Variants in KCND1 observed in about 807,000 individuals in gnomAD.
The protein encoded by KCND1 is potassium voltage-gated channel subfamily D member 1.
Under a neutral mutation model 31.8 loss-of-function variants are expected in KCND1, and 11 were observed. That is an observed-to-expected ratio of 0.35 (90% CI 0.22 to 0.57). KCND1 has a LOEUF of 0.57. Ranked by LOEUF, KCND1 falls within the 20% of genes least tolerant of loss-of-function variation. The pLI, the probability that KCND1 is intolerant of heterozygous loss-of-function variation, is 0.85. For missense variants in KCND1, 471 were observed against 596.8 expected (o/e 0.79, Z 2.20); for synonymous variants, 234 against 248.1 (o/e 0.94, Z 0.53).
chrX:48,966,131 T>C lies in KCND1; in HGVS notation c.1642A>G (p.Thr548Ala), dbSNP rs1557057929. ...ATGCTGCCACGGCTGACTGAGGCAG[T>C]GGAGTTGGCAAGGCGGATGGCGCGG... Reference protein sequence around the residue: ...KRRAIRLANSTASVSRGSMQE... With the variant: ...KRRAIRLANSAASVSRGSMQE... The change falls in exon 5 of 6, where the codon ACT becomes GCT. Residue 548 changes from threonine (T) to alanine (A), a missense_variant. Physicochemically the swap from Thr to Ala is moderately conservative, Grantham distance 58 (BLOSUM62 0). Transcript: ENST00000218176. 2 of 1,209,235 alleles carry C rather than the reference T, an allele frequency of 1.7e-6. No individual in the cohort carries two copies. The highest frequency in any genetic ancestry group is 3.5e-5 in the African/African-American group (2 of 57,370).
Position 48,966,989 on chromosome X carries a change from G to A in KCND1, c.1239C>T (p.Arg413=). 1 of 1,210,667 alleles carries A rather than the reference G, an allele frequency of 8.3e-7. No homozygotes were observed. The highest frequency in any genetic ancestry group is 1.1e-6 in the Non-Finnish European group (1 of 895,165). ...PVPVIVSNFS[R]IYHQNQRADK... ...CAGCCCGCTGGTTCTGGTGGTAGAT[G>A]CGGCTAAAGTTGGACACAATGACTG... Residue 413 remains arginine, a synonymous_variant, in exon 2 of 6, where the codon CGC becomes CGT. Transcript: ENST00000218176.
chrX:48,967,498 C>G, intron 1 of KCND1: 1 of 170,712 alleles, frequency 5.9e-6, no homozygotes, highest in East Asian at 1.4e-4. Context: ...CTCTGTCTTA[C>G]CTGCTCTAGG....
At position 48,970,594 on chromosome X, in the gene KCND1, T is replaced by C. The variant is rs1272045075; in HGVS notation, c.-323A>G. On this transcript the variant is annotated 5_prime_UTR_variant, in exon 1 of 6. Coordinates refer to ENST00000218176, the MANE Select transcript of KCND1 (RefSeq NM_004979.6). ...GAGGGTTTAGAGAGACTGAGATGAT[T>C]CTAAAGGAGTCAGCCTGTGCCTGAG... The C allele has an allele frequency of 4.6e-6, 1 of 219,190 alleles. No individual in the cohort carries two copies. Among genetic ancestry groups the C allele is most frequent in the Non-Finnish European group, 8.1e-6 (1 of 123,201 alleles). 18.1% of individuals were successfully genotyped at this position (219,190 alleles called of 1,213,427 possible).
At chrX:48,963,758 T>C (rs2064336344) in intron 5 of KCND1, among the ~76,000 whole-genome samples, 1 of 112,006 alleles carries the variant, frequency 8.9e-6, no homozygotes. Context: ...GAACACAATG[T>C]GCATACATAT....
chrX:48,969,113 T>C, intron 1 of KCND1, 38 bp downstream of exon 1: 1 of 1,161,752 alleles, frequency 8.6e-7, no homozygotes, highest in African/African-American at 1.8e-5. Context: ...AAAGGGTGAG[T>C]GTAATCGGGC....
chrX:48,969,185 A>T lies in KCND1; in HGVS notation c.1087T>A (p.Phe363Ile), dbSNP rs782299064. 1 of 1,210,841 alleles carries T rather than the reference A, an allele frequency of 8.3e-7. No individual in the cohort carries two copies. Among genetic ancestry groups the T allele is most frequent in the Non-Finnish European group, 1.1e-6 (1 of 894,986 alleles). Reference sequence around the variant, plus strand: ...GTCATGGTGACAATGGTATACCAGAAGGCCGCAGGGATGCTTGTAAAGTTG... The same window carrying T: ...GTCATGGTGACAATGGTATACCAGATGGCCGCAGGGATGCTTGTAAAGTTG... ...KTNFTSIPAA[F>I]WYTIVTMTTL... Residue 363 changes from phenylalanine to isoleucine, a missense_variant, in exon 1 of 6, where the codon TTC (phenylalanine) becomes ATC (isoleucine). Phe to Ile is a conservative substitution (Grantham distance 21). This residue lies in a region of KCND1 where 74 missense variants were observed against 154.2 expected (regional missense o/e 0.48). Coordinates refer to ENST00000218176, the MANE Select transcript of KCND1 (RefSeq NM_004979.6).
Position 48,970,040 on chromosome X carries a change from C to T in KCND1, c.232G>A (p.Asp78Asn). 2 of 1,210,933 alleles carry T rather than the reference C, an allele frequency of 1.7e-6. No individual in the cohort carries two copies. Among genetic ancestry groups the T allele is most frequent in the African/African-American group, 1.7e-5 (1 of 57,967 alleles). Residue 78 changes from aspartate to asparagine, a missense_variant, in exon 1 of 6, where the codon GAC (aspartate) becomes AAC (asparagine). This residue lies in a region of KCND1 where 212 missense variants were observed against 257.9 expected (regional missense o/e 0.82). Transcript: ENST00000218176. ...CGATCGAAGAAGTACTCGCCTGAGTCAGCATCGTAGAAGAATTCCTTCTCC... is the reference window on the plus strand; with the variant it reads ...CGATCGAAGAAGTACTCGCCTGAGTTAGCATCGTAGAAGAATTCCTTCTCC... ...SSEKEFFYDA[D>N]SGEYFFDRDP...
intron 1 of KCND1, chrX:48,967,582 T>A: frequency 8.6e-6 from 1 of 116,656 alleles, no homozygotes; most frequent in Non-Finnish European, 1.8e-5. Context: ...GGAGGAGCCT[T>A]GAAACCCTCC....
rs976943475 is a variant in KCND1 at position 48,970,712 on chromosome X, C to T, written c.-441G>A. 8.3e-6 allele frequency: 1 copy of T among 120,154 alleles called. No homozygotes were observed. The highest frequency in any genetic ancestry group is 1.7e-5 in the Non-Finnish European group (1 of 60,129). The allele number at this position is 120,154 out of a possible 1,213,427, so 9.9% of individuals were successfully genotyped here. A position where few individuals can be genotyped will look rare whatever the true frequency, so the allele number is the denominator to read the frequency against. On this transcript the variant is annotated 5_prime_UTR_variant, in exon 1 of 6. Transcript: ENST00000218176. ...AGGGAAGGCAGAAGAGCCTGGAATT[C>T]CTTTGCAGTGGTGGAGAGGAGACTG...
chrX:48,965,713 TA>T (rs1157568528), intron 5 of KCND1, among the ~76,000 whole-genome samples: 65 of 110,375 alleles, frequency 5.9e-4, no homozygotes, highest in Admixed American at 2.1e-3. Context: ...TCATCTCTAC[TA>T]AAAATACAAC....
Position 48,962,116 on chromosome X carries a change from C to T in KCND1, c.*465G>A, listed in dbSNP as rs2064323281. 8.5e-6 allele frequency: 1 copy of T among 116,990 alleles called. No individual in the cohort carries two copies. The highest frequency in any genetic ancestry group is 3.2e-5 in the African/African-American group (1 of 31,227). 9.6% of individuals were successfully genotyped at this position (116,990 alleles called of 1,213,427 possible). On this transcript the variant is annotated 3_prime_UTR_variant, in exon 6 of 6. Transcript: ENST00000218176. ...TTGTTGGGCCAGATGGAGATGAGGACCTCTCGTAGAGGCCAGATCAGAGGT... is the reference window on the plus strand; with the variant it reads ...TTGTTGGGCCAGATGGAGATGAGGATCTCTCGTAGAGGCCAGATCAGAGGT...
chrX:48,968,890 C>T (rs1197850878), intron 1 of KCND1, among the ~76,000 whole-genome samples: 2 of 111,574 alleles, frequency 1.8e-5, no homozygotes, highest in Admixed American at 9.5e-5. Context: ...CCCGTCTCTA[C>T]TAAAAATACA....
intron 1 of KCND1, chrX:48,967,363 AAGCAGAGGGG>A: frequency 2.9e-6 from 1 of 343,506 alleles, no homozygotes. Context: ...TATGAAAACC[AAGCAGAGGGG>A]AGCATGAGGA....
At position 48,967,070 on chromosome X, in the gene KCND1, C is replaced by T; in HGVS notation, c.1158G>A (p.Lys386=). 8.3e-7 allele frequency: 1 copy of T among 1,210,894 alleles called. No homozygotes were observed. The highest frequency in any genetic ancestry group is 1.1e-6 in the Non-Finnish European group (1 of 895,265). Residue 386 remains lysine, a synonymous_variant, in exon 2 of 6, where the codon AAG becomes AAA. Coordinates refer to ENST00000218176, the MANE Select transcript of KCND1 (RefSeq NM_004979.6). The stretch of plus-strand genomic sequence containing the variant: ...TGAGTGAGCAGATGGACCCGAAAAT[C>T]TTGCCAGCAATGGTGCTGGGCACCA... ...GDMVPSTIAG[K]IFGSICSLSG... is the part of the protein sequence containing the mutation.
rs781808115 is a variant in KCND1, at chrX:48,969,758, G to A, written c.514C>T (p.Leu172Phe). The change falls in exon 1 of 6, where the codon CTC becomes TTC. Residue 172 changes from leucine to phenylalanine, a missense_variant. Coordinates refer to ENST00000218176, the MANE Select transcript of KCND1 (RefSeq NM_004979.6). ...LPAGSSLRQR[L>F]WRAFENPHTS... ...TGTGGATTCTCGAAGGCCCGCCAGA[G>A]CCGCTGCCGCAGGGAGCTGCCTGCT... is the stretch of plus-strand genomic sequence containing the variant. The A allele has an allele frequency of 8.3e-7, 1 of 1,207,710 alleles. No individual in the cohort carries two copies. The highest frequency in any genetic ancestry group is 1.8e-5 in the South Asian group (1 of 56,618).
rs202044005 is a variant in KCND1 at position 48,966,257 on chromosome X, C to T, written c.1516G>A (p.Val506Ile). 8.2e-4 allele frequency: 983 copies of T among 1,193,947 alleles called. 9 individuals are homozygous for T. In the South Asian group the frequency reaches 0.015, roughly 18 times the overall value. ...CGGCTGGTGCGGCCACCCGGCGAGA[C>T]GGCTCCCAGGGCTTCACTGAAGGTG... ...ELTFSEALGA[V>I]SPGGRTSRST... The change falls in exon 5 of 6, where the codon GTC (valine) becomes ATC (isoleucine). Residue 506 changes from valine to isoleucine, a missense_variant. This residue lies in a region of KCND1 where 185 missense variants were observed against 184.7 expected (regional missense o/e 1.00). Coordinates refer to ENST00000218176, the MANE Select transcript of KCND1 (RefSeq NM_004979.6).
chrX:48,965,382 T>C (rs1322586442), intron 5 of KCND1, among the ~76,000 whole-genome samples: 4 of 111,696 alleles, frequency 3.6e-5, no homozygotes, highest in Admixed American at 1.9e-4. Flanking sequence ...CATCCCTGAC[T>C]GACTTTTCTC....
At position 48,967,024 on chromosome X, in the gene KCND1, G is replaced by A. The variant is rs781940682; in HGVS notation, c.1204C>T (p.Leu402=). The stretch of plus-strand genomic sequence containing the variant: ...TTGGACACAATGACTGGCACAGGCA[G>A]GGCAATGACCAAGACGCCACTGAGT... The part of the protein sequence containing the change: ...CSLSGVLVIA[L]PVPVIVSNFS... The change falls in exon 2 of 6, where the codon CTG becomes TTG. Residue 402 remains leucine, a synonymous_variant. Coordinates refer to ENST00000218176, the MANE Select transcript of KCND1 (RefSeq NM_004979.6). 2.5e-6 allele frequency: 3 copies of A among 1,209,855 alleles called. No individual in the cohort carries two copies. Among genetic ancestry groups the A allele is most frequent in the Non-Finnish European group, 3.4e-6 (3 of 894,425 alleles).
chrX:48,964,897 C>G (rs2064343936), intron 5 of KCND1, among the ~76,000 whole-genome samples: 1 of 103,099 alleles, frequency 9.7e-6, no homozygotes, highest in African/African-American at 3.5e-5. Flanking sequence ...TGGCACGTGC[C>G]TGTAGTCCCA....
Sources: allele counts gnomAD v4.1 joint callset (sites outside exome capture counted in the v4.1 genomes callset), GRCh38; gene constraint gnomAD v4.1.1; regional missense constraint gnomAD v4.1.1; transcripts MANE v1.5; gene names NCBI Gene and HGNC (gene_info 2026-07-23, HGNC 2026-07-21).